Variants in ATP2C1 observed in about 807,000 individuals in gnomAD.
The protein encoded by ATP2C1 is ATPase secretory pathway Ca2+ transporting 1, also known as calcium-transporting ATPase type 2C member 1.
In ATP2C1, 31 loss-of-function variants were observed where a neutral mutation model predicts 120.5. The ratio of observed to expected loss-of-function variants is 0.26; its 90% CI spans 0.19 to 0.35. The LOEUF (loss-of-function observed/expected upper bound fraction) is 0.35. Ranked by LOEUF, ATP2C1 falls within the 10% of genes least tolerant of loss-of-function variation. The pLI is 1.00. For synonymous variants in ATP2C1, 351 were observed against 358.7 expected (o/e 0.98, Z 0.24); for missense variants, 731 against 1,107.5 (o/e 0.66, Z 4.83).
intron 7 of ATP2C1, among the ~76,000 whole-genome samples, chr3:130,941,010 G>T (rs2059875060): frequency 8.7e-6 from 1 of 115,412 alleles, no homozygotes; most frequent in Admixed American, 8.7e-5. Flanking sequence ...CATCTGCCGG[G>T]TTCACGCCAT....
chr3:130,991,560 G>GA (rs796801172), intron 20 of ATP2C1, among the ~76,000 whole-genome samples: 3 of 151,160 alleles, frequency 2.0e-5, no homozygotes, highest in South Asian at 4.2e-4. Context: ...AAAAAATAAA[G>GA]AAAAAAAAGG....
chr3:130,973,752 T>C (rs532665225), intron 17 of ATP2C1, among the ~76,000 whole-genome samples: 2 of 152,334 alleles, frequency 1.3e-5, no homozygotes, highest in East Asian at 3.9e-4. Flanking sequence ...GACACTACTT[T>C]AATTTCTTTA....
rs1008579205 is a variant in ATP2C1 at position 130,993,472 on chromosome 3, C to CA, written c.1891-459dup. 3.8e-4 allele frequency among the ~76,000 whole-genome samples: 58 copies of CA among 152,188 alleles called. 1 individual carries two copies. Among genetic ancestry groups the CA allele is most frequent in the African/African-American group, 1.4e-3 (56 of 41,450 alleles). Reference sequence around the variant, plus strand: ...TATGATAGCCAGCCATTGTGTAGTTCAGAGTTTCTCAACCTTGGCACCATT... The same window carrying CA: ...TATGATAGCCAGCCATTGTGTAGTTCAAGAGTTTCTCAACCTTGGCACCATT... On this transcript the variant is annotated intron_variant, in intron 21 of 27. Transcript: ENST00000510168.
chr3:131,012,089 A>G (rs1309352834), intron 26 of ATP2C1, among the ~76,000 whole-genome samples: 2 of 152,248 alleles, frequency 1.3e-5, no homozygotes, highest in Admixed American at 6.5e-5. Flanking sequence ...GACACTTTTA[A>G]TGAAAGAAAA....
At chr3:130,908,165 T>C (rs529582479) in intron 2 of ATP2C1, among the ~76,000 whole-genome samples, 1 of 152,250 alleles carries the variant, frequency 6.6e-6, no homozygotes, top group South Asian at 2.1e-4. Flanking sequence ...TCAGTAGCAG[T>C]AGCTATCAGA....
intron 2 of ATP2C1, among the ~76,000 whole-genome samples, chr3:130,907,005 A>G (rs1026761017): frequency 1.3e-5 from 2 of 151,952 alleles, no homozygotes; most frequent in Non-Finnish European, 1.5e-5. Context: ...TGTCTATTCA[A>G]ATCTTTTGAC....
intron 1 of ATP2C1, among the ~76,000 whole-genome samples, chr3:130,858,644 T>G (rs1366045574): frequency 1.3e-5 from 2 of 152,206 alleles, no homozygotes; most frequent in Non-Finnish European, 2.9e-5. Flanking sequence ...AATACAAGTT[T>G]GTGGAATTAG....
intron 7 of ATP2C1, among the ~76,000 whole-genome samples, chr3:130,940,896 A>G (rs1402655242): frequency 7.5e-6 from 1 of 133,232 alleles, no homozygotes; most frequent in East Asian, 2.3e-4. Context: ...ACATGGATGT[A>G]TTTAACAGAT....
intron 2 of ATP2C1, among the ~76,000 whole-genome samples, chr3:130,912,438 C>G (rs532110367): frequency 1.3e-5 from 2 of 151,206 alleles, no homozygotes; most frequent in Non-Finnish European, 2.9e-5. Flanking sequence ...AAAAAGTGGG[C>G]GAAAGACATG....
chr3:131,015,987 C>A, intron 26 of ATP2C1: 1 of 893,762 alleles, frequency 1.1e-6, no homozygotes, highest in Non-Finnish European at 1.8e-6. Flanking sequence ...TCCAGCTCTT[C>A]AGCTGTAACA....
At chr3:130,967,488 A>G (rs1192840860) in intron 16 of ATP2C1, 69 bp downstream of exon 16, 55 of 1,290,348 alleles carry the variant, frequency 4.3e-5, no homozygotes, top group Non-Finnish European at 5.2e-5. Context: ...AGTGTCATCA[A>G]TTTCAGTATT....
chr3:130,985,562 G>A (rs1378681525), intron 20 of ATP2C1, among the ~76,000 whole-genome samples: 1 of 152,008 alleles, frequency 6.6e-6, no homozygotes, highest in Non-Finnish European at 1.5e-5. Context: ...TTGAACCCAG[G>A]AGGCAGAGGC....
intron 2 of ATP2C1, among the ~76,000 whole-genome samples, chr3:130,925,006 G>A (rs1340674546): frequency 6.6e-6 from 1 of 151,934 alleles, no homozygotes; most frequent in Non-Finnish European, 1.5e-5. Context: ...CTTTAAGTTG[G>A]ACTTCAGCTT....
chr3:130,906,676 T>A (rs1402613453), intron 2 of ATP2C1, among the ~76,000 whole-genome samples: 1 of 67,678 alleles, frequency 1.5e-5, no homozygotes, highest in Non-Finnish European at 3.5e-5. Context: ...CATTTTGCTG[T>A]TTTTTTTTTT....
At chr3:130,860,227 C>T (rs580725) in intron 1 of ATP2C1, among the ~76,000 whole-genome samples, 150,832 of 152,394 alleles carry the variant, frequency 0.99, 74,639 homozygotes, top group East Asian at 1. Flanking sequence ...ATCTACACTT[C>T]GTTAGCTTTT....
chr3:130,986,403 GTT>G (rs2062015168), intron 20 of ATP2C1, among the ~76,000 whole-genome samples: 1 of 152,136 alleles, frequency 6.6e-6, no homozygotes. Context: ...GCTTTCTTCA[GTT>G]TGTCCTCTGG....
At chr3:131,004,485 C>G (rs1029781041), downstream of ATP2C1, among the ~76,000 whole-genome samples, 1 of 152,158 alleles carries the variant, frequency 6.6e-6, no homozygotes, top group Admixed American at 6.6e-5. Flanking sequence ...AATGTAGATA[C>G]AATTGTCCAT....
Position 130,979,283 on chromosome 3 carries a change from G to A in ATP2C1, c.1605G>A (p.Gln535=). 1 of 1,613,698 alleles carries A rather than the reference G, an allele frequency of 6.2e-7. No individual in the cohort carries two copies. Among genetic ancestry groups the A allele is most frequent in the African/African-American group, 1.3e-5 (1 of 74,992 alleles). ...TGGCTTCTGGTCCTGAACTGGGACA[G>A]CTGACATTTCTTGGCTTGGTGGGAA... The part of the protein sequence containing the change: ...LALASGPELG[Q]LTFLGLVGII... The change falls in exon 19 of 28, where the codon CAG becomes CAA. Residue 535 remains glutamine (Q), a synonymous_variant. Transcript: ENST00000510168.
intron 7 of ATP2C1, among the ~76,000 whole-genome samples, 172 bp downstream of exon 7, chr3:130,940,863 C>G (rs966465278): frequency 7.1e-6 from 1 of 141,212 alleles, no homozygotes. Flanking sequence ...CCATTGAAAA[C>G]TTTAAAATCC....
Sources: gnomAD v4.1 joint callset for allele counts (sites outside exome capture counted in the v4.1 genomes callset) on GRCh38, gnomAD v4.1.1 for gene constraint, MANE v1.5 for transcripts, NCBI Gene and HGNC (gene_info 2026-07-23, HGNC 2026-07-21) for gene names.